The following NDUFS4 variants were observed in gnomAD, a reference collection of about 807,000 sequenced individuals.
NDUFS4 encodes the protein NADH dehydrogenase [ubiquinone] iron-sulfur protein 4, mitochondrial.
A neutral mutation model predicts 24.3 loss-of-function variants in NDUFS4; 28 were observed. The observed-to-expected ratio is 1.15, with a 90% CI of 0.85 to 1.58. The LOEUF (loss-of-function observed/expected upper bound fraction) is 1.58. NDUFS4 is among the 40% of genes most tolerant of loss of function. NDUFS4 has a pLI of 0.00. For synonymous variants in NDUFS4, 93 were observed against 69.7 expected (o/e 1.34, Z -1.67); for missense variants, 223 against 207.9 (o/e 1.07, Z -0.45).
chr5:53,674,258 G>A (rs1011897606), intron 4 of NDUFS4, among the ~76,000 whole-genome samples: 1 of 152,266 alleles, frequency 6.6e-6, no homozygotes, highest in Admixed American at 6.5e-5. Flanking sequence ...ACTTAGCTAG[G>A]CCTGTTTGTT....
At chr5:53,580,484 C>T (rs1749523484) in intron 1 of NDUFS4, among the ~76,000 whole-genome samples, 2 of 152,154 alleles carry the variant, frequency 1.3e-5, no homozygotes, top group Admixed American at 1.3e-4. Flanking sequence ...ACTTTAGGAC[C>T]TGCTCTTCAT....
intron 1 of NDUFS4, among the ~76,000 whole-genome samples, chr5:53,592,213 A>C (rs1478178880): frequency 6.6e-6 from 1 of 152,108 alleles, no homozygotes; most frequent in Non-Finnish European, 1.5e-5. Flanking sequence ...CGGCCTCCCA[A>C]AGTGCTGGGA....
intron 2 of NDUFS4, among the ~76,000 whole-genome samples, chr5:53,633,971 A>G (rs1242205156): frequency 4.6e-5 from 7 of 152,352 alleles, no homozygotes; most frequent in South Asian, 2.1e-4. Flanking sequence ...AAATGGACCT[A>G]TACTCAAAAG....
intron 4 of NDUFS4, among the ~76,000 whole-genome samples, chr5:53,676,492 A>G (rs914180299): frequency 5.3e-5 from 8 of 152,208 alleles, no homozygotes; most frequent in Non-Finnish European, 1.5e-5. Flanking sequence ...CAACAGCACT[A>G]TAACTCATGC....
At chr5:53,605,307 C>G (rs1193378707) in intron 2 of NDUFS4, among the ~76,000 whole-genome samples, 1 of 152,166 alleles carries the variant, frequency 6.6e-6, no homozygotes, top group Non-Finnish European at 1.5e-5. Flanking sequence ...AATGAGAGCA[C>G]TATTATTTTA....
At chr5:53,631,254 A>C (rs1197887558) in intron 2 of NDUFS4, among the ~76,000 whole-genome samples, 2 of 152,126 alleles carry the variant, frequency 1.3e-5, no homozygotes, top group Non-Finnish European at 2.9e-5. Context: ...CTTCCTCTGG[A>C]AGCTTCGTCC....
intron 2 of NDUFS4, 168 bp from the exon 3 acceptor site, chr5:53,646,065 A>G (rs1178626227): frequency 1.7e-6 from 1 of 591,900 alleles, no homozygotes. Flanking sequence ...GTATCTAAAT[A>G]GTAATTTACA....
At chr5:53,594,229 A>G (rs1033850733) in intron 1 of NDUFS4, among the ~76,000 whole-genome samples, 4 of 152,142 alleles carry the variant, frequency 2.6e-5, no homozygotes, top group African/African-American at 4.8e-5. Flanking sequence ...TGTTAGGTAC[A>G]TACACACTAA....
chr5:53,615,660 A>G (rs1750818292), intron 2 of NDUFS4, among the ~76,000 whole-genome samples: 1 of 152,102 alleles, frequency 6.6e-6, no homozygotes, highest in African/African-American at 2.4e-5. Flanking sequence ...AAATGTGTGA[A>G]TAGGCTTTTT....
intron 1 of NDUFS4, among the ~76,000 whole-genome samples, chr5:53,597,099 CT>C (rs1342145078): frequency 1.3e-5 from 2 of 152,174 alleles, no homozygotes; most frequent in Non-Finnish European, 2.9e-5. Context: ...GATAGCTCAA[CT>C]TCCACTAGAG....
intron 2 of NDUFS4, among the ~76,000 whole-genome samples, chr5:53,621,583 T>C (rs1464526436): frequency 6.6e-6 from 1 of 151,980 alleles, no homozygotes; most frequent in Non-Finnish European, 1.5e-5. Flanking sequence ...TATTACTTCA[T>C]ATGTAACATA....
rs931913535 is a variant in NDUFS4 at position 53,643,481 on chromosome 5, T to C, written c.178-2752T>C. ...AATTTAGAGGGAACCACACAAAGCG[T>C]TGAAGACACAAGTAGAGTTCAGCAT... On this transcript the variant is annotated intron_variant, in intron 2 of 4. Coordinates refer to ENST00000296684, the MANE Select transcript of NDUFS4 (RefSeq NM_002495.4). Among the ~76,000 whole-genome samples, 4 of 152,142 alleles carry C rather than the reference T, an allele frequency of 2.6e-5. No homozygotes were observed. The South Asian group carries it at 6.2e-4, about 24-fold the overall frequency.
chr5:53,630,714 C>A (rs1303687503), intron 2 of NDUFS4, among the ~76,000 whole-genome samples: 2 of 152,086 alleles, frequency 1.3e-5, no homozygotes, highest in Non-Finnish European at 2.9e-5. Flanking sequence ...TCTCTTGCTG[C>A]ATTTTTCAGC....
At chr5:53,646,538 C>T in intron 3 of NDUFS4, 133 bp downstream of exon 3, 1 of 888,912 alleles carries the variant, frequency 1.1e-6, no homozygotes, top group Non-Finnish European at 1.8e-6. Context: ...TTAAGTACCA[C>T]TGTGCTCAAA....
intron 1 of NDUFS4, among the ~76,000 whole-genome samples, chr5:53,573,125 C>A (rs1001324399): frequency 6.6e-6 from 1 of 151,674 alleles, no homozygotes; most frequent in Non-Finnish European, 1.5e-5. Flanking sequence ...GTGCATACCA[C>A]CATGCCTCGC....
chr5:53,667,939 A>G (rs970501666), intron 4 of NDUFS4, among the ~76,000 whole-genome samples: 22 of 152,182 alleles, frequency 1.4e-4, no homozygotes, highest in Admixed American at 6.5e-5. Flanking sequence ...TTTCTTTGCT[A>G]TCTAGCCCAG....
chr5:53,665,493 T>C (rs920215802), intron 4 of NDUFS4, among the ~76,000 whole-genome samples: 6 of 152,372 alleles, frequency 3.9e-5, no homozygotes, highest in Non-Finnish European at 8.8e-5. Context: ...GCTTCCTGGC[T>C]GCTTTGTTTA....
chr5:53,646,300 C>T lies in NDUFS4; in HGVS notation c.245C>T (p.Pro82Leu). Reference sequence around the variant, plus strand: ...ACTAGAAAAGTCAGGATCTTTGTTCCTGCTCGCAATAACATGCAGTCTGGA... The same window carrying T: ...ACTAGAAAAGTCAGGATCTTTGTTCTTGCTCGCAATAACATGCAGTCTGGA... ...IKTRKVRIFV[P>L]ARNNMQSGVN... is the part of the protein sequence containing the mutation. Residue 82 changes from proline to leucine, a missense_variant, in exon 3 of 5, where the codon CCT becomes CTT. Physicochemically the swap from Pro to Leu is moderately conservative, Grantham distance 98 (BLOSUM62 -3). Coordinates refer to ENST00000296684, the MANE Select transcript of NDUFS4 (RefSeq NM_002495.4). 6.2e-7 allele frequency: 1 copy of T among 1,613,518 alleles called. No individual in the cohort carries two copies. The highest frequency in any genetic ancestry group is 2.2e-5 in the East Asian group (1 of 44,822).
chr5:53,680,535 G>A (rs1200313907), intron 4 of NDUFS4, among the ~76,000 whole-genome samples: 1 of 152,168 alleles, frequency 6.6e-6, no homozygotes, highest in Non-Finnish European at 1.5e-5. Flanking sequence ...TTGAGTTCAT[G>A]TGCTTTGTAG....
Sources: allele counts gnomAD v4.1 joint callset (sites outside exome capture counted in the v4.1 genomes callset), GRCh38; gene constraint gnomAD v4.1.1; transcripts MANE v1.5; gene names NCBI Gene and HGNC (gene_info 2026-07-23, HGNC 2026-07-21).